The following ADAMTS17 variants were observed in gnomAD, a reference collection of about 807,000 sequenced individuals.
ADAMTS17 encodes A disintegrin and metalloproteinase with thrombospondin motifs 17.
ADAMTS17 carries 113 observed loss-of-function variants against 141.5 expected under a neutral mutation model. The ratio of observed to expected loss-of-function variants is 0.80; its 90% confidence interval spans 0.69 to 0.93. The LOEUF (loss-of-function observed/expected upper bound fraction) is 0.93, where lower values mean the gene tolerates loss of function less well. ADAMTS17 is among the 40% of genes least tolerant of loss of function. The probability of loss-of-function intolerance (pLI) is 0.00; values close to 1 mark genes in which losing one functional copy is unlikely to be tolerated. For synonymous variants in ADAMTS17, 768 were observed against 630.6 expected (o/e 1.22, Z -3.27); for missense variants, 1,659 against 1,517.9 (o/e 1.09, Z -1.54).
At chr15:100,298,756 G>A (rs2044916034) in intron 3 of ADAMTS17, among the ~76,000 whole-genome samples, 1 of 152,132 alleles carries the variant, frequency 6.6e-6, no homozygotes, top group Admixed American at 6.5e-5. Context: ...GCTGTCACAG[G>A]ATACCCCGAA....
chr15:100,031,879 C>A (rs983256698), intron 18 of ADAMTS17, among the ~76,000 whole-genome samples: 1 of 152,122 alleles, frequency 6.6e-6, no homozygotes, highest in African/African-American at 2.4e-5. Flanking sequence ...AAGTTCCTGA[C>A]AAATATTTGC....
chr15:100,121,320 T>C (rs2037441410), intron 12 of ADAMTS17, among the ~76,000 whole-genome samples: 1 of 152,088 alleles, frequency 6.6e-6, no homozygotes. Flanking sequence ...TTACCAAATG[T>C]AAAGAAAGAT....
intron 2 of ADAMTS17, chr15:100,339,082 A>G: frequency 3.0e-6 from 3 of 985,514 alleles, no homozygotes; most frequent in Non-Finnish European, 2.4e-6. Context: ...CTCCGGCAGG[A>G]ATTTAAAAGC....
Position 100,341,318 on chromosome 15 carries a change from G to C in ADAMTS17, c.171C>G (p.Pro57=). 9.6e-7 allele frequency: 1 copy of C among 1,037,806 alleles called. No homozygotes were observed. Among genetic ancestry groups the C allele is most frequent in the Non-Finnish European group, 1.2e-6 (1 of 866,340 alleles). The allele number at this position is 1,037,806 out of a possible 1,614,324, so 64.3% of individuals were successfully genotyped here. A position where few individuals can be genotyped will look rare whatever the true frequency, so the allele number is the denominator to read the frequency against. ...DVHLPPLPAA[P]GPRRRRRPRT... is the part of the protein sequence containing the mutation. The stretch of plus-strand genomic sequence containing the variant: ...GGGGGCGTCGCCGCCGTCGGGGCCC[G>C]GGGGCTGCGGGCAGCGGCGGCAGGT... Residue 57 remains proline, a synonymous_variant, in exon 2 of 22, where the codon CCC becomes CCG. Coordinates refer to ENST00000268070, the MANE Select transcript of ADAMTS17 (RefSeq NM_139057.4).
At position 100,241,319 on chromosome 15, in the gene ADAMTS17, T is replaced by C. The variant is rs539747666; in HGVS notation, c.1075+12817A>G. 7.2e-5 allele frequency among the ~76,000 whole-genome samples: 11 copies of C among 152,372 alleles called. No homozygotes were observed. The East Asian group carries it at 7.7e-4, about 11-fold the overall frequency. On this transcript the variant is annotated intron_variant, in intron 7 of 21. Coordinates refer to ENST00000268070, the MANE Select transcript of ADAMTS17 (RefSeq NM_139057.4). ...CACCCTGGCAGGTCACCTGCCAAAGTTGTTCTGTAAGCCTGAACGTAGAGA... is the reference window on the plus strand; with the variant it reads ...CACCCTGGCAGGTCACCTGCCAAAGCTGTTCTGTAAGCCTGAACGTAGAGA...
chr15:100,226,000 C>T (rs778622315), intron 7 of ADAMTS17, among the ~76,000 whole-genome samples: 528 of 142,882 alleles, frequency 3.7e-3, no homozygotes, highest in Non-Finnish European at 5.8e-3. Flanking sequence ...GCAGTCATAG[C>T]CTCTGTGCCA....
rs1269749216 is a variant in ADAMTS17 at position 100,137,772 on chromosome 15, C to G, written c.1474-4457G>C. The stretch of plus-strand genomic sequence containing the variant: ...TGAGCACATGCAAGGGTGGGTTCCC[C>G]AAAGGGCAGGCGTTGGTTGCCAACA... On this transcript the variant is annotated intron_variant, in intron 10 of 21. Coordinates refer to ENST00000268070, the MANE Select transcript of ADAMTS17 (RefSeq NM_139057.4). Among the ~76,000 whole-genome samples, 3 of 152,346 alleles carry G rather than the reference C, an allele frequency of 2.0e-5. No individual in the cohort carries two copies. The East Asian group carries it at 5.8e-4, about 29-fold the overall frequency.
chr15:100,256,869 C>G (rs1055168785), intron 6 of ADAMTS17: 1 of 152,434 alleles, frequency 6.6e-6, no homozygotes, highest in Non-Finnish European at 1.5e-5. Context: ...GCCCTGGCTT[C>G]TGTGTGGGCT....
intron 1 of ADAMTS17, among the ~76,000 whole-genome samples, 196 bp from the exon 2 acceptor site, chr15:100,341,605 G>A (rs1034493499): frequency 3.3e-5 from 5 of 150,172 alleles, no homozygotes; most frequent in African/African-American, 9.7e-5. Context: ...AGCACCTCCC[G>A]GAACGGCGCC....
chr15:99,997,530 C>G lies in ADAMTS17; in HGVS notation c.2651G>C (p.Arg884Pro), dbSNP rs922631314. ...SATCEKGFQH[R>P]EVTCVYQLQN... is the part of the protein sequence containing the mutation. ...CAGCTGGTACACGCAGGTCACCTCC[C>G]GGTGCTGGAAGCCTTTCTCACAGGT... The change falls in exon 19 of 22, where the codon CGG becomes CCG. Residue 884 changes from arginine to proline, a missense_variant. Transcript: ENST00000268070. This position sits in a 1 kb window ranked among gnomAD's most constrained non-coding sequence, Gnocchi z 4.7. The G allele has an allele frequency of 1.9e-6, 3 of 1,613,572 alleles. No individual in the cohort carries two copies. Among genetic ancestry groups the G allele is most frequent in the East Asian group, 4.5e-5 (2 of 44,860 alleles).
rs555206621 is a variant in ADAMTS17, at chr15:100,090,139, C to T, written c.2137+6217G>A. Among the ~76,000 whole-genome samples the T allele has an allele frequency of 1.5e-4, 23 of 152,312 alleles. No individual in the cohort carries two copies. In the South Asian group the frequency reaches 4.4e-3, roughly 29 times the overall value. On this transcript the variant is annotated intron_variant, in intron 15 of 21. Transcript: ENST00000268070. ...ACAAAATATTCTACAGCAAATCTCTCTTAGAGAAATCCATTCCTTCTGGGG... is the reference window on the plus strand; with the variant it reads ...ACAAAATATTCTACAGCAAATCTCTTTTAGAGAAATCCATTCCTTCTGGGG...
intron 3 of ADAMTS17, among the ~76,000 whole-genome samples, chr15:100,328,748 G>T (rs555193197): frequency 6.6e-6 from 1 of 152,252 alleles, no homozygotes; most frequent in South Asian, 2.1e-4. Context: ...GTGATCCTCA[G>T]TATCACACCA....
intron 15 of ADAMTS17, among the ~76,000 whole-genome samples, chr15:100,067,479 T>C (rs1292513881): frequency 1.3e-5 from 2 of 152,270 alleles, no homozygotes; most frequent in Admixed American, 1.3e-4. Context: ...AGTCACATTT[T>C]ACCTTTAACG....
chr15:99,980,416 C>G (rs1166168626), intron 20 of ADAMTS17: 1 of 152,252 alleles, frequency 6.6e-6, no homozygotes, highest in Non-Finnish European at 1.5e-5. Context: ...TTTTCTCGGG[C>G]CATTGGCCAC....
intron 10 of ADAMTS17, among the ~76,000 whole-genome samples, chr15:100,144,226 T>C (rs1345183376): frequency 2.0e-5 from 3 of 152,212 alleles, no homozygotes; most frequent in African/African-American, 7.2e-5. Flanking sequence ...TATTTTGAGA[T>C]GTTGGCCACA....
intron 18 of ADAMTS17, among the ~76,000 whole-genome samples, chr15:100,024,880 T>C (rs2061476307): frequency 6.6e-6 from 1 of 152,202 alleles, no homozygotes; most frequent in Non-Finnish European, 1.5e-5. Flanking sequence ...CTAGTTGCAA[T>C]GTGACCTGCT....
At chr15:100,091,010 C>CAACAAAAAA (rs1555446585) in intron 15 of ADAMTS17, among the ~76,000 whole-genome samples, 1 of 54,596 alleles carries the variant, frequency 1.8e-5, no homozygotes. Flanking sequence ...TCCGTCTCAA[C>CAACAAAAAA]AAAAAAAAAA....
chr15:100,334,612 C>T (rs961686213), intron 2 of ADAMTS17, among the ~76,000 whole-genome samples: 3 of 152,332 alleles, frequency 2.0e-5, no homozygotes, highest in Middle Eastern at 3.4e-3. Flanking sequence ...CGGGTGGGCA[C>T]GCACCTCTTT....
chr15:100,055,361 G>A (rs142457010), intron 15 of ADAMTS17, among the ~76,000 whole-genome samples: 1 of 152,324 alleles, frequency 6.6e-6, no homozygotes, highest in East Asian at 1.9e-4. Flanking sequence ...GCCCCAGGCT[G>A]GAGCAGGCCA....
Sources: allele counts gnomAD v4.1 joint callset (sites outside exome capture counted in the v4.1 genomes callset), GRCh38; gene constraint gnomAD v4.1.1; non-coding constraint Gnocchi (gnomAD v3.1); transcripts MANE v1.5; gene names NCBI Gene and HGNC (gene_info 2026-07-23, HGNC 2026-07-21).